EXOC2: variants seen among roughly 807,000 people sequenced by gnomAD.
EXOC2 encodes the protein exocyst complex component 2, also known as SEC5-like 1.
In EXOC2, 70 loss-of-function variants were observed where a neutral mutation model predicts 131.8. The observed-to-expected ratio is 0.53, with a 90% CI of 0.44 to 0.65. The LOEUF (loss-of-function observed/expected upper bound fraction) is 0.65, where lower values mean the gene tolerates loss of function less well. Among genes scored for constraint, EXOC2 ranks in the 30% least tolerant of loss-of-function variants. The probability of loss-of-function intolerance (pLI) is 0.00; values close to 1 mark genes in which losing one functional copy is unlikely to be tolerated. For synonymous variants in EXOC2, 411 were observed against 398.4 expected, an observed-to-expected ratio of 1.03 and a Z score of -0.38; for missense variants, 923 against 1,108.6, an observed-to-expected ratio of 0.83 and a Z score of 2.38.
chr6:546,930 A>T (rs1756897141), intron 22 of EXOC2, among the ~76,000 whole-genome samples: 1 of 152,228 alleles, frequency 6.6e-6, no homozygotes, highest in South Asian at 2.1e-4. Flanking sequence ...GGTCAACTGT[A>T]TTATCATGAG....
At chr6:653,147 T>G (rs1311141867) in intron 1 of EXOC2, among the ~76,000 whole-genome samples, 1 of 152,174 alleles carries the variant, frequency 6.6e-6, no homozygotes, top group Non-Finnish European at 1.5e-5. Flanking sequence ...TCCTCAAGCC[T>G]CCCTATTCCC....
chr6:627,916 A>G lies in EXOC2; in HGVS notation c.422+1919T>C, dbSNP rs530501178. On this transcript the variant is annotated intron_variant, in intron 4 of 27. Coordinates refer to ENST00000230449, the MANE Select transcript of EXOC2 (RefSeq NM_018303.6). ...CTGTTAATTTTATTCCCACTGAAGT[A>G]CTTATTGGATAAATGTACATAATGT... 1.1e-4 allele frequency among the ~76,000 whole-genome samples: 17 copies of G among 152,366 alleles called. No homozygotes were observed. In the South Asian group the frequency reaches 2.9e-3, roughly 26 times the overall value.
At chr6:528,478 G>A (rs1289727562) in intron 23 of EXOC2, among the ~76,000 whole-genome samples, 1 of 152,202 alleles carries the variant, frequency 6.6e-6, no homozygotes, top group Non-Finnish European at 1.5e-5. Flanking sequence ...CTGAGGTTCA[G>A]TTAGTAATCA....
In EXOC2 at chr6:486,610, T is replaced by TTA; in HGVS notation, c.*59_*60dup. ...AATACACCAAATACCTTTAGGGTAC[T>TTA]TAGAGAGTGAACAGTCTTATTACGT... On this transcript the variant is annotated 3_prime_UTR_variant, in exon 28 of 28. Transcript: ENST00000230449. 1 of 1,423,978 alleles carries TTA rather than the reference T, an allele frequency of 7.0e-7. No homozygotes were observed. Among genetic ancestry groups the TTA allele is most frequent in the Non-Finnish European group, 9.9e-7 (1 of 1,009,618 alleles). The allele number at this position is 1,423,978 out of a possible 1,614,324, so 88.2% of individuals were successfully genotyped here.
In EXOC2 at chr6:659,997, G is replaced by GT. The variant is rs1554146620; in HGVS notation, c.-43-22137_-43-22136insA. ...GCCGTCTTGCCACTCAGGGCTGTTG[G>GT]GGGGGGGACACGGGGGGCACGGTGG... On this transcript the variant is annotated intron_variant, in intron 1 of 27. Coordinates refer to ENST00000230449, the MANE Select transcript of EXOC2 (RefSeq NM_018303.6). Among the ~76,000 whole-genome samples, 5 of 150,316 alleles carry GT rather than the reference G, an allele frequency of 3.3e-5. No homozygotes were observed. In the East Asian group the frequency reaches 7.8e-4, roughly 23 times the overall value.
intron 21 of EXOC2, among the ~76,000 whole-genome samples, chr6:553,159 C>A (rs1169216119): frequency 6.6e-6 from 1 of 152,126 alleles, no homozygotes; most frequent in Non-Finnish European, 1.5e-5. Context: ...CTCAAGTGAT[C>A]CACTTGCCTC....
At chr6:644,312 T>C (rs928263633) in intron 1 of EXOC2, among the ~76,000 whole-genome samples, 15 of 152,072 alleles carry the variant, frequency 9.9e-5, no homozygotes, top group Admixed American at 5.2e-4. Flanking sequence ...TATTCATGAT[T>C]AAAAACTCTC....
chr6:528,531 T>C (rs1267342540), intron 23 of EXOC2, among the ~76,000 whole-genome samples: 1 of 152,196 alleles, frequency 6.6e-6, no homozygotes, highest in Non-Finnish European at 1.5e-5. Flanking sequence ...ATAGAGTTTA[T>C]AAAAGTGAAA....
At chr6:612,360 A>G (rs1230953917) in intron 6 of EXOC2, among the ~76,000 whole-genome samples, 2 of 152,256 alleles carry the variant, frequency 1.3e-5, no homozygotes, top group South Asian at 4.1e-4. Context: ...TATATTTACT[A>G]AAGTAGGAGA....
At chr6:586,403 C>A (rs759199352) in intron 11 of EXOC2, among the ~76,000 whole-genome samples, 1 of 152,240 alleles carries the variant, frequency 6.6e-6, no homozygotes, top group African/African-American at 2.4e-5. Flanking sequence ...CTCTCACTCA[C>A]CTCCATTTTC....
intron 19 of EXOC2, 147 bp from the exon 20 acceptor site, chr6:555,435 A>G (rs552281354): frequency 2.1e-6 from 1 of 467,588 alleles, no homozygotes; most frequent in East Asian, 3.1e-5. Flanking sequence ...ATATGTGTAT[A>G]TACTGTATAT....
intron 1 of EXOC2, among the ~76,000 whole-genome samples, chr6:651,059 C>T (rs1002576041): frequency 6.0e-5 from 9 of 149,484 alleles, no homozygotes; most frequent in Non-Finnish European, 1.3e-4. Context: ...GGCAGAATCT[C>T]GCTCTGTTGC....
At chr6:676,280 G>T (rs1214383720) in intron 1 of EXOC2, among the ~76,000 whole-genome samples, 1 of 109,520 alleles carries the variant, frequency 9.1e-6, no homozygotes, top group South Asian at 3.8e-4. Flanking sequence ...GAAAGGACAG[G>T]TTCCTCTGGA....
intron 6 of EXOC2, among the ~76,000 whole-genome samples, chr6:616,131 C>T (rs1444928333): frequency 6.6e-6 from 1 of 152,210 alleles, no homozygotes; most frequent in East Asian, 1.9e-4. Flanking sequence ...ACATAGTCCA[C>T]TGACAATAGT....
intron 23 of EXOC2, among the ~76,000 whole-genome samples, chr6:523,695 G>GT (rs1365900821): frequency 2.6e-5 from 4 of 152,160 alleles, no homozygotes; most frequent in Non-Finnish European, 5.9e-5. Context: ...AAAATTGTTT[G>GT]TTTTTTGAGA....
chr6:511,983 CT>C (rs1764874487), intron 23 of EXOC2, among the ~76,000 whole-genome samples: 1 of 152,238 alleles, frequency 6.6e-6, no homozygotes, highest in Non-Finnish European at 1.5e-5. Context: ...TTTACTCTTC[CT>C]GGTATCTTTA....
At chr6:592,089 G>C (rs1759571546) in intron 11 of EXOC2, among the ~76,000 whole-genome samples, 1 of 151,886 alleles carries the variant, frequency 6.6e-6, no homozygotes, top group African/African-American at 2.4e-5. Context: ...TTCCTCTAGC[G>C]GTAACTCTGG....
intron 1 of EXOC2, chr6:656,527 T>C (rs2127749195): frequency 5.6e-6 from 9 of 1,604,252 alleles, no homozygotes; most frequent in Non-Finnish European, 7.6e-6. Context: ...CGCCACACTC[T>C]CCTGGGAAGC....
At chr6:531,257 G>A (rs1766060343) in intron 23 of EXOC2, among the ~76,000 whole-genome samples, 1 of 152,230 alleles carries the variant, frequency 6.6e-6, no homozygotes, top group African/African-American at 2.4e-5. Flanking sequence ...GCAGAGGTGG[G>A]CACAGCACAG....
Sources: allele counts gnomAD v4.1 joint callset (sites outside exome capture counted in the v4.1 genomes callset), GRCh38; gene constraint gnomAD v4.1.1; transcripts MANE v1.5; gene names NCBI Gene and HGNC (gene_info 2026-07-23, HGNC 2026-07-21).